Variants in COL25A1 observed in about 807,000 individuals in gnomAD.
COL25A1 encodes collagen type XXV alpha 1 chain.
A neutral mutation model predicts 128.4 loss-of-function variants in COL25A1; 103 were observed. That is an observed-to-expected ratio of 0.80 (90% CI 0.68 to 0.94). COL25A1 has a LOEUF of 0.94. Among genes scored for constraint, COL25A1 ranks in the 40% least tolerant of loss-of-function variants. The pLI is 0.00. For missense variants in COL25A1, 745 were observed against 840.0 expected, an observed-to-expected ratio of 0.89 and a Z score of 1.40; for synonymous variants, 279 against 277.2, an observed-to-expected ratio of 1.01 and a Z score of -0.06.
At chr4:109,219,975 A>G (rs940506327) in intron 3 of COL25A1, among the ~76,000 whole-genome samples, 3 of 152,152 alleles carry the variant, frequency 2.0e-5, no homozygotes, top group Non-Finnish European at 4.4e-5. Flanking sequence ...TGAGATGGAA[A>G]ACCTATATGT....
At position 109,060,418 on chromosome 4, in the gene COL25A1, A is replaced by G. The variant is rs1373141222; in HGVS notation, c.368-10239T>C. Among the ~76,000 whole-genome samples the G allele has an allele frequency of 2.6e-5, 4 of 152,068 alleles. No individual in the cohort carries two copies. In the South Asian group the frequency reaches 8.3e-4, roughly 31 times the overall value. On this transcript the variant is annotated intron_variant, in intron 3 of 37. Transcript: ENST00000399132. ...ACCCCCACCTCATTGCCCTCTTGCT[A>G]TGTCAGACCCTAACAGTATCACATA...
At chr4:109,191,896 C>T (rs1775653093) in intron 3 of COL25A1, among the ~76,000 whole-genome samples, 1 of 152,114 alleles carries the variant, frequency 6.6e-6, no homozygotes, top group Admixed American at 6.5e-5. Flanking sequence ...GAGATAAGAG[C>T]CATCTAAATT....
At chr4:109,144,960 A>G (rs1221406158) in intron 3 of COL25A1, among the ~76,000 whole-genome samples, 3 of 152,186 alleles carry the variant, frequency 2.0e-5, no homozygotes, top group Non-Finnish European at 2.9e-5. Flanking sequence ...TTAAGTGACT[A>G]TGGAAAGTTC....
intron 19 of COL25A1, among the ~76,000 whole-genome samples, chr4:108,869,360 C>T (rs541818012): frequency 1.3e-5 from 2 of 152,250 alleles, no homozygotes; most frequent in East Asian, 3.9e-4. Context: ...TATATAGCAC[C>T]TTCCTGATTT....
At chr4:108,850,135 T>C (rs1578537204) in intron 26 of COL25A1, among the ~76,000 whole-genome samples, 1 of 152,278 alleles carries the variant, frequency 6.6e-6, no homozygotes, top group South Asian at 2.1e-4. Context: ...CTTTAAAATA[T>C]GATTCACAAG....
intron 3 of COL25A1, among the ~76,000 whole-genome samples, chr4:109,232,226 G>A (rs1390441763): frequency 6.6e-6 from 1 of 152,136 alleles, no homozygotes; most frequent in African/African-American, 2.4e-5. Flanking sequence ...AATTCATGCT[G>A]ACAATTTTTC....
At position 108,819,768 on chromosome 4, in the gene COL25A1, C is replaced by T. The variant is rs1271131210; in HGVS notation, c.1846-439G>A. ...CGGCTTGCTCTTCTCCCATCTGATC[C>T]CCTCACACAAACATCTGGAGACAGT... On this transcript the variant is annotated intron_variant, in intron 35 of 37. Coordinates refer to ENST00000399132, the MANE Select transcript of COL25A1 (RefSeq NM_198721.4). The T allele has an allele frequency of 1.5e-5, 15 of 1,030,284 alleles. 1 individual carries two copies. The South Asian group carries it at 2.4e-4, about 17-fold the overall frequency. 63.8% of individuals were successfully genotyped at this position (1,030,284 alleles called of 1,614,324 possible).
At chr4:108,923,383 T>A (rs1745688220) in intron 11 of COL25A1, among the ~76,000 whole-genome samples, 1 of 152,184 alleles carries the variant, frequency 6.6e-6, no homozygotes, top group Non-Finnish European at 1.5e-5. Flanking sequence ...TCTCACTCTG[T>A]TGCCCAGGCT....
At chr4:109,224,007 T>G (rs1778604172) in intron 3 of COL25A1, among the ~76,000 whole-genome samples, 1 of 152,204 alleles carries the variant, frequency 6.6e-6, no homozygotes, top group South Asian at 2.1e-4. Context: ...CTTAAAGAGC[T>G]ACACTGACAT....
At chr4:109,136,057 T>C (rs1344959423) in intron 3 of COL25A1, among the ~76,000 whole-genome samples, 1 of 152,148 alleles carries the variant, frequency 6.6e-6, no homozygotes, top group South Asian at 2.1e-4. Flanking sequence ...GCAGAAGCCC[T>C]GGTGGTAGGG....
chr4:109,094,593 C>G (rs1345754347), intron 3 of COL25A1, among the ~76,000 whole-genome samples: 1 of 152,172 alleles, frequency 6.6e-6, no homozygotes, highest in Non-Finnish European at 1.5e-5. Context: ...GCTTAATTCA[C>G]ATTCATACCT....
At chr4:109,276,415 A>T (rs1312527339) in intron 3 of COL25A1, among the ~76,000 whole-genome samples, 1 of 151,684 alleles carries the variant, frequency 6.6e-6, no homozygotes, top group Non-Finnish European at 1.5e-5. Flanking sequence ...CTGTCTCAAA[A>T]AAAAAAAAAA....
intron 10 of COL25A1, among the ~76,000 whole-genome samples, chr4:108,938,136 C>A (rs1361512378): frequency 1.3e-5 from 2 of 152,076 alleles, no homozygotes; most frequent in Admixed American, 6.6e-5. Flanking sequence ...GACAGAGAGA[C>A]AATTGCTCTT....
chr4:109,050,220 T>C, intron 3 of COL25A1, 41 bp from the exon 4 acceptor site: 1 of 1,508,220 alleles, frequency 6.6e-7, no homozygotes, highest in Non-Finnish European at 9.1e-7. Context: ...AGTTTAATTC[T>C]TTTTCCTGGT....
At chr4:108,972,461 T>C (rs1466806627) in intron 8 of COL25A1, among the ~76,000 whole-genome samples, 1 of 152,200 alleles carries the variant, frequency 6.6e-6, no homozygotes, top group Non-Finnish European at 1.5e-5. Context: ...TAGCTAATAC[T>C]ATCTTACTAG....
At chr4:109,293,789 T>C (rs1163290223) in intron 3 of COL25A1, among the ~76,000 whole-genome samples, 1 of 152,112 alleles carries the variant, frequency 6.6e-6, no homozygotes, top group African/African-American at 2.4e-5. Flanking sequence ...AATCTCATAT[T>C]ATGTGGCAAC....
intron 5 of COL25A1, among the ~76,000 whole-genome samples, chr4:109,015,317 T>A (rs1368520486): frequency 6.6e-6 from 1 of 152,252 alleles, no homozygotes; most frequent in African/African-American, 2.4e-5. Context: ...TATTAATAAT[T>A]AACTGTGAAG....
intron 3 of COL25A1, among the ~76,000 whole-genome samples, chr4:109,217,135 C>A (rs1778059343): frequency 6.6e-6 from 1 of 151,848 alleles, no homozygotes; most frequent in Non-Finnish European, 1.5e-5. Flanking sequence ...AAGAAATAGA[C>A]AAATCTGACA....
intron 25 of COL25A1, 86 bp from the exon 26 acceptor site, chr4:108,852,366 C>T: frequency 3.1e-6 from 3 of 961,292 alleles, no homozygotes; most frequent in South Asian, 1.6e-5. Flanking sequence ...ATACACCTTC[C>T]TTATTTCTAT....
Sources: gnomAD v4.1 joint callset for allele counts (sites outside exome capture counted in the v4.1 genomes callset) on GRCh38, gnomAD v4.1.1 for gene constraint, MANE v1.5 for transcripts, NCBI Gene and HGNC (gene_info 2026-07-23, HGNC 2026-07-21) for gene names.